The following CCM2L variants were observed in gnomAD, a reference collection of about 807,000 sequenced individuals.
CCM2L encodes CCM2 like scaffold protein, also known as cerebral cavernous malformations 2 protein-like.
In CCM2L, 36 loss-of-function variants were observed where a neutral mutation model predicts 54.1. That is an observed-to-expected ratio of 0.67 (90% CI 0.51 to 0.88). The LOEUF (loss-of-function observed/expected upper bound fraction) is 0.88. Among genes scored for constraint, CCM2L ranks in the 40% least tolerant of loss-of-function variants. CCM2L has a pLI of 0.00. For missense variants in CCM2L, 700 were observed against 812.1 expected, an observed-to-expected ratio of 0.86 and a Z score of 1.68; for synonymous variants, 351 against 359.3, an observed-to-expected ratio of 0.98 and a Z score of 0.26.
Position 32,015,859 on chromosome 20 carries a change from C to CTTT in CCM2L, c.198+801_198+803dup, listed in dbSNP as rs199989562. ...CTTCCACCACTTAGGAGCTGTACTT[C>CTTT]TTTTTTTTTTTTTTTGAGACAGAGT... On this transcript the variant is annotated intron_variant, in intron 2 of 9. Transcript: ENST00000452892. 2.8e-3 allele frequency among the ~76,000 whole-genome samples: 359 copies of CTTT among 127,874 alleles called. 9 individuals are homozygous for CTTT. Among genetic ancestry groups the CTTT allele is most frequent in the African/African-American group, 0.011 (337 of 31,114 alleles). 83.9% of individuals were successfully genotyped at this position (127,874 alleles called of 152,430 possible).
chr20:32,013,410 A>C (rs1039550258), intron 1 of CCM2L, among the ~76,000 whole-genome samples: 1 of 152,030 alleles, frequency 6.6e-6, no homozygotes, highest in African/African-American at 2.4e-5. Context: ...CTCCCCCCGT[A>C]GTTCGTGTGT....
chr20:32,011,556 T>C (rs754600863), intron 1 of CCM2L, among the ~76,000 whole-genome samples: 1 of 152,192 alleles, frequency 6.6e-6, no homozygotes, highest in African/African-American at 2.4e-5. Flanking sequence ...ATCGCGCCAC[T>C]GCACTCCAGC....
intron 9 of CCM2L, 32 bp from the exon 10 acceptor site, chr20:32,030,969 C>G: frequency 7.7e-7 from 1 of 1,302,600 alleles, no homozygotes; most frequent in Non-Finnish European, 1.0e-6. Flanking sequence ...GGGAACGTGT[C>G]CTGGGGACTC....
chr20:32,011,622 A>T (rs779201684), intron 1 of CCM2L, among the ~76,000 whole-genome samples: 13 of 152,180 alleles, frequency 8.5e-5, no homozygotes, highest in African/African-American at 2.2e-4. Context: ...ATAAATAAAA[A>T]TTTTTTAAAA....
chr20:32,028,376 G>A (rs1034705901), intron 7 of CCM2L: 2 of 151,626 alleles, frequency 1.3e-5, no homozygotes, highest in African/African-American at 4.9e-5. Flanking sequence ...GGAGGCTGCA[G>A]TGAGCCAAGA....
rs2064933733 is a variant in CCM2L, at chr20:32,031,859, G to T, written c.*545G>T. The T allele has an allele frequency of 6.6e-6, 1 of 152,222 alleles. No homozygotes were observed. Among genetic ancestry groups the T allele is most frequent in the African/African-American group, 2.4e-5 (1 of 41,388 alleles). 9.4% of individuals were successfully genotyped at this position (152,222 alleles called of 1,614,324 possible). A position where few individuals can be genotyped will look rare whatever the true frequency, so the allele number is the denominator to read the frequency against. ...GTCTTTTTAAGGCTCTAAATGTCAG[G>T]GTCTCCCATCCCCTGATGCCTGACT... On this transcript the variant is annotated 3_prime_UTR_variant, in exon 10 of 10. Transcript: ENST00000452892.
In CCM2L at chr20:32,025,962, C is replaced by T; in HGVS notation, c.1133+43C>T. On this transcript the variant is annotated intron_variant, in intron 7 of 9. Transcript: ENST00000452892. Reference sequence around the variant, plus strand: ...CAGGGACTCCACCCTGCTCCCCTACCCCTGCACAAACAGGGTGACTAGAGA... The same window carrying T: ...CAGGGACTCCACCCTGCTCCCCTACTCCTGCACAAACAGGGTGACTAGAGA... The T allele has an allele frequency of 3.1e-6, 4 of 1,282,462 alleles. No homozygotes were observed. The South Asian group carries it at 5.0e-5, about 16-fold the overall frequency. 79.4% of individuals were successfully genotyped at this position (1,282,462 alleles called of 1,614,324 possible).
In CCM2L at chr20:32,031,392, GCC is replaced by G; in HGVS notation, c.*84_*85del. 2 of 1,163,748 alleles carry G rather than the reference GCC, an allele frequency of 1.7e-6. No individual in the cohort carries two copies. Among genetic ancestry groups the G allele is most frequent in the Non-Finnish European group, 1.1e-6 (1 of 915,356 alleles). The allele number at this position is 1,163,748 out of a possible 1,614,324, so 72.1% of individuals were successfully genotyped here. ...TTGCTTCGGGGACCCTATCCCCAGG[GCC>G]CCCCCATCACACCTGGCGGGGCCGG... On this transcript the variant is annotated 3_prime_UTR_variant, in exon 10 of 10. Coordinates refer to ENST00000452892, the MANE Select transcript of CCM2L (RefSeq NM_001365692.1).
intron 6 of CCM2L, 31 bp from the exon 7 acceptor site, chr20:32,025,825 C>A: frequency 7.7e-7 from 1 of 1,300,432 alleles, no homozygotes; most frequent in Non-Finnish European, 1.0e-6. Flanking sequence ...GCTTTGCTGC[C>A]TCTGACAGTC....
chr20:32,029,597 G>C (rs1359912764), intron 8 of CCM2L, 103 bp from the exon 9 acceptor site: 10 of 1,426,956 alleles, frequency 7.0e-6, no homozygotes, highest in East Asian at 2.4e-5. Context: ...TTTCAGAGGA[G>C]AGCTGGACCA....
chr20:32,029,280 T>C (rs1366862849), intron 8 of CCM2L, 156 bp downstream of exon 8: 8 of 989,362 alleles, frequency 8.1e-6, no homozygotes, highest in Non-Finnish European at 1.2e-5. Flanking sequence ...GAGGCCAGCT[T>C]GTGAAAGGCC....
At chr20:32,013,742 G>A (rs1197653037) in intron 1 of CCM2L, among the ~76,000 whole-genome samples, 4 of 152,040 alleles carry the variant, frequency 2.6e-5, no homozygotes, top group Admixed American at 6.6e-5. Flanking sequence ...AAACCACCAC[G>A]CCTGGCCTTC....
chr20:32,021,738 A>G (rs2064808877), intron 5 of CCM2L, among the ~76,000 whole-genome samples: 1 of 152,154 alleles, frequency 6.6e-6, no homozygotes, highest in Non-Finnish European at 1.5e-5. Context: ...TTAGAGTAAA[A>G]AACAACCTGG....
chr20:32,018,098 G>A lies in CCM2L; in HGVS notation c.402G>A (p.Thr134=). 4 of 1,611,776 alleles carry A rather than the reference G, an allele frequency of 2.5e-6. No individual in the cohort carries two copies. The highest frequency in any genetic ancestry group is 3.4e-6 in the Non-Finnish European group (4 of 1,179,620). The change falls in exon 4 of 10, where the codon ACG becomes ACA. Residue 134 remains threonine, a synonymous_variant. Coordinates refer to ENST00000452892, the MANE Select transcript of CCM2L (RefSeq NM_001365692.1). ...DNEELILRIP[T]HEIAAASYLQ... ...AAGAGCTCATTCTGCGAATCCCTAC[G>A]CACGAGATCGCCGCCGCCTCCTACC...
chr20:32,023,163 G>A (rs1317656813), intron 6 of CCM2L, among the ~76,000 whole-genome samples: 1 of 151,900 alleles, frequency 6.6e-6, no homozygotes, highest in Non-Finnish European at 1.5e-5. Flanking sequence ...TTAGAGACGG[G>A]GTTTCACCGT....
chr20:32,013,053 C>A (rs753691924), intron 1 of CCM2L, among the ~76,000 whole-genome samples: 19 of 152,170 alleles, frequency 1.2e-4, no homozygotes, highest in Non-Finnish European at 2.2e-4. Flanking sequence ...AATCCCAGCA[C>A]TTTGGGAGGC....
rs890686481 is a variant in CCM2L, at chr20:32,031,449, G to A, written c.*135G>A. The stretch of plus-strand genomic sequence containing the variant: ...TCTTCACTCCAGGGTCTCGCTCCCT[G>A]CCCTTGGGGCCCGGGGCCATGCAGT... On this transcript the variant is annotated 3_prime_UTR_variant, in exon 10 of 10. Coordinates refer to ENST00000452892, the MANE Select transcript of CCM2L (RefSeq NM_001365692.1). 1.5e-6 allele frequency: 1 copy of A among 661,848 alleles called. No individual in the cohort carries two copies. The highest frequency in any genetic ancestry group is 6.4e-4 in the Middle Eastern group (1 of 1,566). The allele number at this position is 661,848 out of a possible 1,614,324, so 41.0% of individuals were successfully genotyped here.
intron 6 of CCM2L, 104 bp downstream of exon 6, chr20:32,022,899 C>CT (rs1239840927): frequency 3.2e-6 from 4 of 1,256,528 alleles, no homozygotes; most frequent in Non-Finnish European, 2.2e-6. Flanking sequence ...TTTAGGGCTC[C>CT]TGATCTCTGC....
At chr20:32,021,557 G>C (rs1368388326) in intron 5 of CCM2L, among the ~76,000 whole-genome samples, 1 of 152,176 alleles carries the variant, frequency 6.6e-6, no homozygotes, top group Non-Finnish European at 1.5e-5. Context: ...TCAGGAGGCT[G>C]AGGTGGGAGG....
Sources: gnomAD v4.1 joint callset for allele counts (sites outside exome capture counted in the v4.1 genomes callset) on GRCh38, gnomAD v4.1.1 for gene constraint, MANE v1.5 for transcripts, NCBI Gene and HGNC (gene_info 2026-07-23, HGNC 2026-07-21) for gene names.